FAM171A2: variants seen among roughly 807,000 people sequenced by gnomAD.
FAM171A2 encodes family with sequence similarity 171 member A2, also known as protein FAM171A2.
A neutral mutation model predicts 34.2 loss-of-function variants in FAM171A2; 13 were observed. The observed-to-expected ratio is 0.38, with a 90% CI of 0.25 to 0.60. The LOEUF is 0.60. Among genes scored for constraint, FAM171A2 ranks in the 20% least tolerant of loss-of-function variants. FAM171A2 has a pLI of 0.62. For missense variants in FAM171A2, 950 were observed against 1,180.7 expected (o/e 0.80, Z 2.86); for synonymous variants, 475 against 561.2 (o/e 0.85, Z 2.17).
At position 44,355,077 on chromosome 17, in the gene FAM171A2, C is replaced by G. The variant is rs1416493628; in HGVS notation, c.1137G>C (p.Gly379=). 2 of 1,549,974 alleles carry G rather than the reference C, an allele frequency of 1.3e-6. No homozygotes were observed. Among genetic ancestry groups the G allele is most frequent in the Non-Finnish European group, 1.7e-6 (2 of 1,146,638 alleles). The part of the protein sequence containing the change: ...TSMSQLHLIC[G]GPLEPAPSGD... ...CCGACGGGGCGGGTTCCAGGGGTCC[C>G]CCACAGATGAGGTGGAGCTGGGACA... The change falls in exon 8 of 8, where the codon GGG becomes GGC. Residue 379 remains glycine (G), a synonymous_variant. Coordinates refer to ENST00000293443, the MANE Select transcript of FAM171A2 (RefSeq NM_198475.3). This position sits in a 1 kb window ranked among gnomAD's most constrained non-coding sequence, Gnocchi z 4.1.
At chr17:44,358,793 C>A (rs2048436015) in intron 3 of FAM171A2, among the ~76,000 whole-genome samples, 1 of 152,154 alleles carries the variant, frequency 6.6e-6, no homozygotes, top group African/African-American at 2.4e-5. Context: ...CCCACCATGG[C>A]CCTCTAAGCG....
chr17:44,360,189 G>A (rs2048442701), intron 1 of FAM171A2, 57 bp from the exon 2 acceptor site: 2 of 1,409,738 alleles, frequency 1.4e-6, no homozygotes, highest in Admixed American at 2.0e-5. Flanking sequence ...AGAGAACTGG[G>A]GGGAGCCCCA....
chr17:44,358,596 C>A (rs892281252), intron 3 of FAM171A2, among the ~76,000 whole-genome samples: 1 of 151,996 alleles, frequency 6.6e-6, no homozygotes, highest in Non-Finnish European at 1.5e-5. Flanking sequence ...GAGACTAAGG[C>A]AGGAGAATCC....
rs890676364 is a variant in FAM171A2, at chr17:44,359,974, C to T, written c.277G>A (p.Val93Met). 2.1e-5 allele frequency: 33 copies of T among 1,551,556 alleles called. No individual in the cohort carries two copies. The highest frequency in any genetic ancestry group is 2.8e-5 in the Non-Finnish European group (32 of 1,146,972). Residue 93 changes from valine (V) to methionine (M), a missense_variant, in exon 2 of 8, where the codon GTG becomes ATG. Around this residue, in one of 3 missense-constraint regions of FAM171A2, gnomAD observed 752 missense variants for 924.5 expected, o/e 0.81. Transcript: ENST00000293443. ...LPLSYRLGTW[V>M]LVTAARPGFL... is the part of the protein sequence containing the mutation. ...CCAGGGCGGGCAGCAGTGACCAGCA[C>T]CCAGGTGCCCAAGCGATAACTGAGG...
intron 1 of FAM171A2, among the ~76,000 whole-genome samples, chr17:44,362,358 C>G (rs1384147677): frequency 6.6e-6 from 1 of 152,132 alleles, no homozygotes; most frequent in Non-Finnish European, 1.5e-5. Flanking sequence ...ACCCATTCCT[C>G]GAAGCCTGAC....
chr17:44,358,860 CT>C (rs1007889948), intron 3 of FAM171A2: 3 of 152,670 alleles, frequency 2.0e-5, no homozygotes, highest in Non-Finnish European at 4.4e-5. Context: ...ATGTCTCCCC[CT>C]GGCCTTCCTC....
chr17:44,356,009 C>G lies in FAM171A2; in HGVS notation c.844G>C (p.Val282Leu). ...ACCCAGTACCCCAGCTGGGGGGAGA[C>G]GAAGGTCCAGTAGAGCTGCCGGCCT... The part of the protein sequence containing the change: ...KEGRQLYWTF[V>L]SPQLGYWVAA... Residue 282 changes from valine (V) to leucine (L), a missense_variant, in exon 6 of 8, where the codon GTC (valine) becomes CTC (leucine). Physicochemically the swap from Val to Leu is conservative, Grantham distance 32. Coordinates refer to ENST00000293443, the MANE Select transcript of FAM171A2 (RefSeq NM_198475.3). 1 of 1,547,954 alleles carries G rather than the reference C, an allele frequency of 6.5e-7. No individual in the cohort carries two copies. Among genetic ancestry groups the G allele is most frequent in the Non-Finnish European group, 8.7e-7 (1 of 1,145,124 alleles).
In FAM171A2 at chr17:44,354,321, G is replaced by T; in HGVS notation, c.1893C>A (p.Asn631Lys). The change falls in exon 8 of 8, where the codon AAC becomes AAA. Residue 631 changes from asparagine (N) to lysine (K), a missense_variant. Physicochemically the swap from Asn to Lys is moderately conservative, Grantham distance 94 (BLOSUM62 0). Around this residue, in one of 3 missense-constraint regions of FAM171A2, gnomAD observed 752 missense variants for 924.5 expected, o/e 0.81. Transcript: ENST00000293443. The surrounding 1 kb of genome is among the most constrained non-coding windows in gnomAD (Gnocchi z 5.8). ...LFNESTMAQL[N>K]GELQALTEKK... ...TCTCGGTCAGGGCCTGCAGCTCCCCGTTGAGCTGCGCCATGGTGGACTCGT... is the reference window on the plus strand; with the variant it reads ...TCTCGGTCAGGGCCTGCAGCTCCCCTTTGAGCTGCGCCATGGTGGACTCGT... 6.9e-7 allele frequency: 1 copy of T among 1,445,634 alleles called. No individual in the cohort carries two copies. The highest frequency in any genetic ancestry group is 9.2e-7 in the Non-Finnish European group (1 of 1,088,456). The allele number at this position is 1,445,634 out of a possible 1,614,324, so 89.6% of individuals were successfully genotyped here. A position where few individuals can be genotyped will look rare whatever the true frequency, so the allele number is the denominator to read the frequency against.
intron 3 of FAM171A2, among the ~76,000 whole-genome samples, chr17:44,357,807 C>T (rs777302320): frequency 2.0e-5 from 3 of 149,828 alleles, no homozygotes; most frequent in Admixed American, 6.6e-5. Context: ...AATATGGTCA[C>T]AGCTAACATT....
intron 1 of FAM171A2, among the ~76,000 whole-genome samples, chr17:44,361,071 A>G (rs1267346769): frequency 6.6e-6 from 1 of 152,198 alleles, no homozygotes; most frequent in Non-Finnish European, 1.5e-5. Context: ...ACTATTGTGG[A>G]GGGGGCTGGG....
intron 2 of FAM171A2, 70 bp from the exon 3 acceptor site, chr17:44,359,741 T>C: frequency 8.3e-6 from 8 of 964,850 alleles, no homozygotes; most frequent in Non-Finnish European, 1.1e-5. Flanking sequence ...ACCCCCTCCA[T>C]CTGAGTCCCA....
rs1222637343 is a variant in FAM171A2, at chr17:44,360,018, T to C, written c.233A>G (p.Glu78Gly). 2 of 1,551,730 alleles carry C rather than the reference T, an allele frequency of 1.3e-6. No individual in the cohort carries two copies. The highest frequency in any genetic ancestry group is 1.7e-6 in the Non-Finnish European group (2 of 1,146,990). The change falls in exon 2 of 8, where the codon GAG becomes GGG. Residue 78 changes from glutamate to glycine, a missense_variant. Glu to Gly is a moderately conservative substitution (Grantham distance 98, BLOSUM62 -2). Coordinates refer to ENST00000293443, the MANE Select transcript of FAM171A2 (RefSeq NM_198475.3). ...TLLAAGTTDS[E>G]GVATLPLSYR... Reference sequence around the variant, plus strand: ...ACTGAGGGGCAGGGTGGCCACACCCTCTGAGTCTGTGGTGCCAGCTGCCAG... The same window carrying C: ...ACTGAGGGGCAGGGTGGCCACACCCCCTGAGTCTGTGGTGCCAGCTGCCAG...
At position 44,356,552 on chromosome 17, in the gene FAM171A2, C is replaced by T. The variant is rs939212232; in HGVS notation, c.476G>A (p.Arg159Gln). The T allele has an allele frequency of 1.3e-5, 20 of 1,548,212 alleles. No individual in the cohort carries two copies. The highest frequency in any genetic ancestry group is 7.9e-5 in the Admixed American group (4 of 50,910). ...GGAGCTGACAGGCAGGCGGGCAGCC[C>T]GGCGCTGGAACTGCACCAAGGGCTG... Reference protein sequence around the residue: ...RSQPLVQFQRRAARLPVSSTY... With the variant: ...RSQPLVQFQRQAARLPVSSTY... The change falls in exon 4 of 8, where the codon CGG (arginine) becomes CAG (glutamine). Residue 159 changes from arginine to glutamine, a missense_variant. Physicochemically the swap from Arg to Gln is conservative, Grantham distance 43. This residue lies in a region of FAM171A2 where 752 missense variants were observed against 924.5 expected (regional missense o/e 0.81). Transcript: ENST00000293443.
chr17:44,363,568 G>C, intron 1 of FAM171A2, 29 bp downstream of exon 1: 4 of 1,141,910 alleles, frequency 3.5e-6, no homozygotes, highest in Non-Finnish European at 2.2e-6. Context: ...GCAGGCCCGC[G>C]ATCGCGGCCC....
chr17:44,354,612 G>T lies in FAM171A2; in HGVS notation c.1602C>A (p.Arg534=). ...SIDHLKDNVY[R]NVMPTLVIPA... is the part of the protein sequence containing the mutation. ...GGATCACCAGGGTGGGCATGACGTTGCGGTAGACGTTGTCCTTGAGGTGGT... is the reference window on the plus strand; with the variant it reads ...GGATCACCAGGGTGGGCATGACGTTTCGGTAGACGTTGTCCTTGAGGTGGT... Residue 534 remains arginine, a synonymous_variant, in exon 8 of 8, where the codon CGC becomes CGA. Coordinates refer to ENST00000293443, the MANE Select transcript of FAM171A2 (RefSeq NM_198475.3). This position sits in a 1 kb window ranked among gnomAD's most constrained non-coding sequence, Gnocchi z 5.8. 7.9e-7 allele frequency: 1 copy of T among 1,261,546 alleles called. No homozygotes were observed. The highest frequency in any genetic ancestry group is 1.0e-6 in the Non-Finnish European group (1 of 1,000,762). The allele number at this position is 1,261,546 out of a possible 1,614,324, so 78.1% of individuals were successfully genotyped here. A position where few individuals can be genotyped will look rare whatever the true frequency, so the allele number is the denominator to read the frequency against.
chr17:44,359,325 G>T, intron 3 of FAM171A2: 1 of 507,126 alleles, frequency 2.0e-6, no homozygotes, highest in African/African-American at 1.9e-5. Flanking sequence ...ATGGAGAATA[G>T]AAACCACGAG....
chr17:44,360,174 G>T (rs1196230985), intron 1 of FAM171A2, 42 bp from the exon 2 acceptor site: 3 of 1,498,662 alleles, frequency 2.0e-6, no homozygotes, highest in Non-Finnish European at 2.7e-6. Context: ...ACGAGGGAGG[G>T]GGAAAGAGAA....
rs1567891218 is a variant in FAM171A2, at chr17:44,356,155, G to GCC, written c.778+16_778+17dup. ...TCTTCTCTCAACTCAAGCACCTGCA[G>GCC]CCCCCTGAGGCACTTACCACTCTTG... is the stretch of plus-strand genomic sequence containing the variant. On this transcript the variant is annotated intron_variant, in intron 5 of 7. Transcript: ENST00000293443. 1.3e-6 allele frequency: 2 copies of GCC among 1,532,410 alleles called. No individual in the cohort carries two copies. 94.9% of individuals were successfully genotyped at this position (1,532,410 alleles called of 1,614,324 possible). A position where few individuals can be genotyped will look rare whatever the true frequency, so the allele number is the denominator to read the frequency against.
At chr17:44,362,358 C>T (rs1384147677) in intron 1 of FAM171A2, among the ~76,000 whole-genome samples, 2 of 152,132 alleles carry the variant, frequency 1.3e-5, no homozygotes, top group Non-Finnish European at 2.9e-5. Context: ...ACCCATTCCT[C>T]GAAGCCTGAC....
Sources: allele counts gnomAD v4.1 joint callset (sites outside exome capture counted in the v4.1 genomes callset), GRCh38; gene constraint gnomAD v4.1.1; regional missense constraint gnomAD v4.1.1; non-coding constraint Gnocchi (gnomAD v3.1); transcripts MANE v1.5; gene names NCBI Gene and HGNC (gene_info 2026-07-23, HGNC 2026-07-21).